Variants in NBPF26 observed in about 807,000 individuals in gnomAD.
NBPF26 encodes the protein NBPF member 26.
NBPF26 carries 79 observed loss-of-function variants against 119.6 expected under a neutral mutation model. That is an observed-to-expected ratio of 0.66 (90% confidence interval 0.55 to 0.80). The LOEUF is 0.80. NBPF26 is among the 30% of genes least tolerant of loss of function. The probability of loss-of-function intolerance (pLI) is 0.00; values close to 1 mark genes in which losing one functional copy is unlikely to be tolerated. For synonymous variants in NBPF26, 299 were observed against 457.7 expected, an observed-to-expected ratio of 0.65 and a Z score of 4.43; for missense variants, 800 against 1,198.2, an observed-to-expected ratio of 0.67 and a Z score of 4.91.
chr1:120,769,560 A>T (rs1651237296), intron 2 of NBPF26, among the ~76,000 whole-genome samples: 1 of 123,448 alleles, frequency 8.1e-6, no homozygotes, highest in African/African-American at 4.1e-5. Context: ...TCTTTTTAAC[A>T]TAAAACAAAG....
At position 120,817,195 on chromosome 1, in the gene NBPF26, G is replaced by T. The variant is rs1386263156; in HGVS notation, c.2371+368G>T. 9.4e-5 allele frequency among the ~76,000 whole-genome samples: 11 copies of T among 116,558 alleles called. 3 individuals are homozygous for T. Among genetic ancestry groups the T allele is most frequent in the Non-Finnish European group, 1.3e-4 (8 of 60,956 alleles). 76.5% of individuals were successfully genotyped at this position (116,558 alleles called of 152,430 possible). Reference sequence around the variant, plus strand: ...CCTGTTTAAGGAAGCTGGCAGCCTTGCCTTTGTATTTGGAAATATTGTTCA... The same window carrying T: ...CCTGTTTAAGGAAGCTGGCAGCCTTTCCTTTGTATTTGGAAATATTGTTCA... On this transcript the variant is annotated intron_variant, in intron 14 of 29. Coordinates refer to ENST00000620612, the Ensembl canonical transcript of NBPF26.
intron 18 of NBPF26, among the ~76,000 whole-genome samples, 199 bp from the exon 20 acceptor site, chr1:120,825,315 C>T (rs1160445927): frequency 8.3e-6 from 1 of 120,762 alleles, no homozygotes; most frequent in Non-Finnish European, 1.6e-5. Context: ...TCTCTCTCTC[C>T]CTCTCCCTGT....
At chr1:120,770,232 C>G (rs1407445330) in intron 2 of NBPF26, among the ~76,000 whole-genome samples, 1 of 102,502 alleles carries the variant, frequency 9.8e-6, no homozygotes, top group South Asian at 2.9e-4. Flanking sequence ...TGCAGTGGCG[C>G]TTTCTTGGCT....
chr1:120,806,883 T>C lies in NBPF26; in HGVS notation c.962-724T>C, dbSNP rs1180463652. On this transcript the variant is annotated intron_variant, in intron 5 of 29. Coordinates refer to ENST00000620612, the Ensembl canonical transcript of NBPF26. ...CTGTAAATTGCTGCAATGAATTACATGAGGTATTTCCTGTCAATCTCCTTG... is the reference window on the plus strand; with the variant it reads ...CTGTAAATTGCTGCAATGAATTACACGAGGTATTTCCTGTCAATCTCCTTG... Among the ~76,000 whole-genome samples the C allele has an allele frequency of 1.6e-5, 2 of 124,350 alleles. 1 individual carries two copies. The highest frequency in any genetic ancestry group is 3.3e-5 in the Non-Finnish European group (2 of 61,146). 81.6% of individuals were successfully genotyped at this position (124,350 alleles called of 152,430 possible).
In NBPF26 at chr1:120,805,500, C is replaced by T. The variant is rs1571033050; in HGVS notation, c.752-56C>T. 6.1e-6 allele frequency: 8 copies of T among 1,317,924 alleles called. 1 individual carries two copies. The highest frequency in any genetic ancestry group is 4.5e-5 in the East Asian group (2 of 44,064). 81.6% of individuals were successfully genotyped at this position (1,317,924 alleles called of 1,614,324 possible). ...CTGACATCCCTCAGTCCTGATTAAACCGATTTGATTTCACCAGTTTTTAAC... is the reference window on the plus strand; with the variant it reads ...CTGACATCCCTCAGTCCTGATTAAATCGATTTGATTTCACCAGTTTTTAAC... On this transcript the variant is annotated intron_variant, in intron 4 of 29. Transcript: ENST00000620612.
In NBPF26 at chr1:120,768,584, T is replaced by A. The variant is rs1414615473; in HGVS notation, c.155+4875T>A. On this transcript the variant is annotated intron_variant, in intron 2 of 29. Transcript: ENST00000620612. ...TGCACACTCTTCCTCTTCTGCTGCA[T>A]GAACTGGGGTGTACCTTCACGATAA... Among the ~76,000 whole-genome samples, 2 of 109,328 alleles carry A rather than the reference T, an allele frequency of 1.8e-5. 1 individual carries two copies. The highest frequency in any genetic ancestry group is 3.4e-5 in the Non-Finnish European group (2 of 58,914). 71.7% of individuals were successfully genotyped at this position (109,328 alleles called of 152,430 possible).
chr1:120,724,134 C>T (rs2101331133), exon 1 of NBPF26: 2 of 1,358,416 alleles, frequency 1.5e-6, no homozygotes, highest in East Asian at 2.6e-5. Context: ...GCCCAGGCGG[C>T]GGCGGCGGCG....
chr1:120,820,359 A>G (rs1343973205), intron 15 of NBPF26, among the ~76,000 whole-genome samples: 3 of 56,052 alleles, frequency 5.4e-5, no homozygotes, highest in Non-Finnish European at 1.1e-4. Flanking sequence ...TGATGAGTTA[A>G]TGGGTGAAGC....
chr1:120,752,546 A>ATTTTT (rs1651030391), intron 1 of NBPF26, among the ~76,000 whole-genome samples: 2 of 12,762 alleles, frequency 1.6e-4, no homozygotes, highest in Non-Finnish European at 2.7e-4. Flanking sequence ...ATATATATAT[A>ATTTTT]TATATATATT....
chr1:120,777,683 G>T lies in NBPF26; in HGVS notation c.156-7291G>T, dbSNP rs1474125230. Among the ~76,000 whole-genome samples, 91 of 70,162 alleles carry T rather than the reference G, an allele frequency of 1.3e-3. 27 individuals are homozygous for T. The highest frequency in any genetic ancestry group is 0.01 in the African/African-American group (87 of 8,596). The allele number at this position is 70,162 out of a possible 152,430, so 46.0% of individuals were successfully genotyped here. A position where few individuals can be genotyped will look rare whatever the true frequency, so the allele number is the denominator to read the frequency against. ...TCTTTTTTTTTTGAGAGAAGGGGGG[G>T]TTGAGAGTAGAGTGGGAATGGCAAG... is the stretch of plus-strand genomic sequence containing the variant. On this transcript the variant is annotated intron_variant, in intron 2 of 29. Transcript: ENST00000620612.
At chr1:120,812,117 T>C in intron 10 of NBPF26, 22 bp downstream of exon 10, 1 of 1,146,838 alleles carries the variant, frequency 8.7e-7, no homozygotes, top group Non-Finnish European at 1.2e-6. Flanking sequence ...TGGCTCACCA[T>C]CACGAAAGTG....
Position 120,822,122 on chromosome 1 carries a change from A to G in NBPF26, c.2442A>G (p.Glu814=). 5.6e-6 allele frequency: 8 copies of G among 1,430,752 alleles called. 1 individual carries two copies. Among genetic ancestry groups the G allele is most frequent in the Non-Finnish European group, 7.5e-6 (8 of 1,071,444 alleles). The allele number at this position is 1,430,752 out of a possible 1,614,324, so 88.6% of individuals were successfully genotyped here. A position where few individuals can be genotyped will look rare whatever the true frequency, so the allele number is the denominator to read the frequency against. Reference sequence around the variant, plus strand: ...TCATCAGGAATCTGCAGGAGTCTGAAGAGGAGGAAGTCCCCCAGGAGTCCT... The same window carrying G: ...TCATCAGGAATCTGCAGGAGTCTGAGGAGGAGGAAGTCCCCCAGGAGTCCT... The change falls in exon 16 of 30, where the codon GAA becomes GAG. Residue 814 remains glutamate, a synonymous_variant. Transcript: ENST00000620612.
At chr1:120,830,038 A>G (rs1652315075) in intron 19 of NBPF26, among the ~76,000 whole-genome samples, 1 of 121,748 alleles carries the variant, frequency 8.2e-6, no homozygotes, top group Admixed American at 7.7e-5. Context: ...CAAAGGCTGT[A>G]TGGCAACTGC....
chr1:120,765,773 G>T lies in NBPF26; in HGVS notation c.155+2064G>T, dbSNP rs1282952707. 4.8e-4 allele frequency among the ~76,000 whole-genome samples: 61 copies of T among 127,426 alleles called. 3 individuals are homozygous for T. The Middle Eastern group carries it at 0.011, about 24-fold the overall frequency. 83.6% of individuals were successfully genotyped at this position (127,426 alleles called of 152,430 possible). ...AGACTGGATAAAGAAAATGTGGCAT[G>T]TATACACGATGGAATACTATGCAGC... On this transcript the variant is annotated intron_variant, in intron 2 of 29. Transcript: ENST00000620612.
chr1:120,724,433 C>T lies in NBPF26; in HGVS notation c.73+183C>T, dbSNP rs1395379612. 2.5e-5 allele frequency among the ~76,000 whole-genome samples: 3 copies of T among 120,588 alleles called. 1 individual carries two copies. The South Asian group carries it at 7.1e-4, about 28-fold the overall frequency. 79.1% of individuals were successfully genotyped at this position (120,588 alleles called of 152,430 possible). A position where few individuals can be genotyped will look rare whatever the true frequency, so the allele number is the denominator to read the frequency against. On this transcript the variant is annotated intron_variant, in intron 1 of 29. Coordinates refer to ENST00000620612, the Ensembl canonical transcript of NBPF26. ...GGGGGCCCCTCCCGTGGTGCCCCGC[C>T]AACCGCTGGGGTTCCCCGCCGCCTC...
rs1306253397 is a variant in NBPF26 at position 120,807,407 on chromosome 1, C to T, written c.962-200C>T. 3.2e-5 allele frequency among the ~76,000 whole-genome samples: 4 copies of T among 123,498 alleles called. 1 individual carries two copies. The highest frequency in any genetic ancestry group is 6.5e-5 in the Non-Finnish European group (4 of 61,134). 81.0% of individuals were successfully genotyped at this position (123,498 alleles called of 152,430 possible). ...TTCCTTGATGCGCCCTTGAGTTTCT[C>T]TTTCTTCGTCTTTAAATTTTGGAGG... On this transcript the variant is annotated intron_variant, in intron 5 of 29. Coordinates refer to ENST00000620612, the Ensembl canonical transcript of NBPF26.
rs1190628372 is a variant in NBPF26, at chr1:120,778,434, G to A, written c.156-6540G>A. On this transcript the variant is annotated intron_variant, in intron 2 of 29. Transcript: ENST00000620612. ...AATGAGGAGCAGCTTCAGTGCCGAC[G>A]CAACCCACATGAGACTTTTTTTTCC... is the stretch of plus-strand genomic sequence containing the variant. 7.2e-5 allele frequency among the ~76,000 whole-genome samples: 8 copies of A among 111,702 alleles called. 3 individuals are homozygous for A. The highest frequency in any genetic ancestry group is 2.5e-4 in the South Asian group (1 of 3,926). The allele number at this position is 111,702 out of a possible 152,430, so 73.3% of individuals were successfully genotyped here. A position where few individuals can be genotyped will look rare whatever the true frequency, so the allele number is the denominator to read the frequency against.
At chr1:120,833,350 A>C (rs1652400943) in intron 23 of NBPF26, among the ~76,000 whole-genome samples, 1 of 12,430 alleles carries the variant, frequency 8.0e-5, no homozygotes, top group East Asian at 0.023. Flanking sequence ...CACCTGGCCA[A>C]TTCACTAGGT....
At chr1:120,833,237 A>C (rs1392774528) in intron 23 of NBPF26, among the ~76,000 whole-genome samples, 1 of 113,704 alleles carries the variant, frequency 8.8e-6, no homozygotes, top group Non-Finnish European at 1.7e-5. Flanking sequence ...TTTTGAGCAT[A>C]TTTTATGGAA....
Sources: gnomAD v4.1 joint callset for allele counts (sites outside exome capture counted in the v4.1 genomes callset) on GRCh38, gnomAD v4.1.1 for gene constraint, MANE v1.5 for transcripts, NCBI Gene and HGNC (gene_info 2026-07-23, HGNC 2026-07-21) for gene names.